Variants in CACUL1 observed in about 807,000 individuals in gnomAD.
CACUL1 encodes CDK2 associated cullin domain 1, also known as CDK2-associated and cullin domain-containing protein 1.
Under a neutral mutation model 45.2 loss-of-function variants are expected in CACUL1, and 13 were observed. The ratio of observed to expected loss-of-function variants is 0.29; its 90% CI spans 0.19 to 0.46. The LOEUF (loss-of-function observed/expected upper bound fraction) is 0.46, where lower values mean the gene tolerates loss of function less well. Among genes scored for constraint, CACUL1 ranks in the 20% least tolerant of loss-of-function variants. The pLI, the probability that CACUL1 is intolerant of heterozygous loss-of-function variation, is 1.00. For synonymous variants in CACUL1, 197 were observed against 174.2 expected, an observed-to-expected ratio of 1.13 and a Z score of -1.03; for missense variants, 421 against 471.4, an observed-to-expected ratio of 0.89 and a Z score of 0.99.
At position 118,684,820 on chromosome 10, in the gene CACUL1, G is replaced by A. The variant is rs1369979476; in HGVS notation, c.*1308C>T. ...AAGAGGTAAATACTATTAGTCTGAT[G>A]TTGCCTAGTAGAGAAGCCTATGCTC... On this transcript the variant is annotated 3_prime_UTR_variant, in exon 9 of 9. Coordinates refer to ENST00000369151, the MANE Select transcript of CACUL1 (RefSeq NM_153810.5). 1 of 152,202 alleles carries A rather than the reference G, an allele frequency of 6.6e-6. No homozygotes were observed. The highest frequency in any genetic ancestry group is 6.5e-5 in the Admixed American group (1 of 15,284). The allele number at this position is 152,202 out of a possible 1,614,324, so 9.4% of individuals were successfully genotyped here. A position where few individuals can be genotyped will look rare whatever the true frequency, so the allele number is the denominator to read the frequency against.
intron 6 of CACUL1, 71 bp downstream of exon 6, chr10:118,695,070 C>T: frequency 1.1e-6 from 1 of 948,240 alleles, no homozygotes; most frequent in Non-Finnish European, 1.7e-6. Flanking sequence ...AAAACACATA[C>T]AGAACCACTG....
chr10:118,700,716 C>CAAAAAAAAAAAAA lies in CACUL1; in HGVS notation c.796+577_796+589dup, dbSNP rs59032746. On this transcript the variant is annotated intron_variant, in intron 5 of 8. Coordinates refer to ENST00000369151, the MANE Select transcript of CACUL1 (RefSeq NM_153810.5). ...TAGGCGACAGAGCGAGACTCCGTCTCAAAAAAAAAAAAAAAAAAAGAATGG... is the reference window on the plus strand; with the variant it reads ...TAGGCGACAGAGCGAGACTCCGTCTCAAAAAAAAAAAAAAAAAAAAAAAAAAAAAAAAGAATGG... Among the ~76,000 whole-genome samples, 66 of 132,882 alleles carry CAAAAAAAAAAAAA rather than the reference C, an allele frequency of 5.0e-4. 2 individuals carry two copies. Among genetic ancestry groups the CAAAAAAAAAAAAA allele is most frequent in the African/African-American group, 2.0e-3 (65 of 31,714 alleles). The allele number at this position is 132,882 out of a possible 152,430, so 87.2% of individuals were successfully genotyped here.
intron 3 of CACUL1, among the ~76,000 whole-genome samples, chr10:118,714,838 A>T (rs1419275412): frequency 6.6e-6 from 1 of 152,194 alleles, no homozygotes; most frequent in African/African-American, 2.4e-5. Context: ...CTCACCCCGC[A>T]AGCATGTGGA....
chr10:118,707,407 CAG>C (rs1207387312), intron 4 of CACUL1, 83 bp downstream of exon 4: 5 of 585,852 alleles, frequency 8.5e-6, no homozygotes, highest in South Asian at 2.5e-5. Context: ...AAAAGAAAAA[CAG>C]AATATGCTTA....
chr10:118,731,657 G>A (rs952549849), intron 1 of CACUL1, among the ~76,000 whole-genome samples: 11 of 152,166 alleles, frequency 7.2e-5, no homozygotes, highest in Non-Finnish European at 1.5e-4. Flanking sequence ...ACTATAGGGA[G>A]GAAAACAGAT....
chr10:118,728,399 C>T (rs894094243), intron 3 of CACUL1, among the ~76,000 whole-genome samples: 6 of 151,808 alleles, frequency 4.0e-5, no homozygotes, highest in Admixed American at 6.6e-5. Context: ...CTGCAACCTC[C>T]GCCTCCCGGG....
chr10:118,751,750 G>A (rs770011983), intron 1 of CACUL1, among the ~76,000 whole-genome samples: 17 of 152,142 alleles, frequency 1.1e-4, no homozygotes, highest in Middle Eastern at 3.2e-3. Flanking sequence ...TAATTTTGAC[G>A]TCATTTAAAC....
chr10:118,702,641 G>A (rs966496516), intron 4 of CACUL1, among the ~76,000 whole-genome samples: 1 of 150,652 alleles, frequency 6.6e-6, no homozygotes, highest in Non-Finnish European at 1.5e-5. Flanking sequence ...GAGTGCAATG[G>A]CACGCTCTCC....
At chr10:118,718,677 G>A (rs1023232447) in intron 3 of CACUL1, among the ~76,000 whole-genome samples, 6 of 152,190 alleles carry the variant, frequency 3.9e-5, no homozygotes, top group Non-Finnish European at 8.8e-5. Context: ...CCGGGTTCAC[G>A]ACTTTCTCCT....
intron 1 of CACUL1, among the ~76,000 whole-genome samples, chr10:118,742,822 G>A (rs939168379): frequency 3.9e-5 from 6 of 152,282 alleles, no homozygotes; most frequent in Admixed American, 1.3e-4. Context: ...ATAAATAGGA[G>A]ACAGCTTACA....
intron 3 of CACUL1, among the ~76,000 whole-genome samples, chr10:118,715,209 T>C (rs1038395915): frequency 2.6e-5 from 4 of 152,164 alleles, no homozygotes; most frequent in Non-Finnish European, 5.9e-5. Flanking sequence ...ACTAAAAATA[T>C]ATATATACAC....
At chr10:118,710,523 A>G (rs1477715139) in intron 3 of CACUL1, among the ~76,000 whole-genome samples, 1 of 152,180 alleles carries the variant, frequency 6.6e-6, no homozygotes, top group Non-Finnish European at 1.5e-5. Context: ...AAAAGACATA[A>G]GGCCTCCCTG....
At chr10:118,745,548 G>A (rs951520013) in intron 1 of CACUL1, among the ~76,000 whole-genome samples, 1 of 151,394 alleles carries the variant, frequency 6.6e-6, no homozygotes, top group Non-Finnish European at 1.5e-5. Flanking sequence ...GCGACAGAGT[G>A]AGACTCCGTC....
intron 3 of CACUL1, among the ~76,000 whole-genome samples, chr10:118,715,566 T>C (rs1031084227): frequency 1.3e-5 from 2 of 152,232 alleles, no homozygotes; most frequent in Non-Finnish European, 1.5e-5. Flanking sequence ...CCTTGGAATA[T>C]GATTAATTAA....
chr10:118,741,696 G>T (rs1412072748), intron 1 of CACUL1, among the ~76,000 whole-genome samples: 3 of 152,060 alleles, frequency 2.0e-5, no homozygotes, highest in African/African-American at 7.2e-5. Flanking sequence ...TACAGAAATT[G>T]TAACACCCTA....
intron 1 of CACUL1, among the ~76,000 whole-genome samples, chr10:118,753,107 C>T (rs1351726971): frequency 6.6e-6 from 1 of 152,182 alleles, no homozygotes; most frequent in East Asian, 1.9e-4. Context: ...AGGCAATCTT[C>T]CTTCGTGACT....
intron 2 of CACUL1, among the ~76,000 whole-genome samples, chr10:118,729,680 T>C (rs1845681687): frequency 6.6e-6 from 1 of 152,188 alleles, no homozygotes; most frequent in Admixed American, 6.5e-5. Context: ...GGTCTGAATA[T>C]GATAACTATT....
At chr10:118,701,239 CAAAAAAAAAAG>C (rs1845376742) in intron 5 of CACUL1, 56 bp downstream of exon 5, 1 of 694,614 alleles carries the variant, frequency 1.4e-6, no homozygotes, top group Non-Finnish European at 2.1e-6. Context: ...GCTCTCAGAC[CAAAAAAAAAAG>C]AAAAAGGAAA....
At chr10:118,692,026 C>A (rs376672932) in intron 6 of CACUL1, among the ~76,000 whole-genome samples, 1 of 151,846 alleles carries the variant, frequency 6.6e-6, no homozygotes, top group Non-Finnish European at 1.5e-5. Flanking sequence ...AATGTGATTA[C>A]CAAACAATTC....
Sources: allele counts gnomAD v4.1 joint callset (sites outside exome capture counted in the v4.1 genomes callset), GRCh38; gene constraint gnomAD v4.1.1; transcripts MANE v1.5; gene names NCBI Gene and HGNC (gene_info 2026-07-23, HGNC 2026-07-21).